The following DPH6 variants were observed in gnomAD, a reference collection of about 807,000 sequenced individuals.
DPH6 encodes the protein diphthamine biosynthesis 6, also known as diphthine--ammonia ligase.
In DPH6, 33 loss-of-function variants were observed where a neutral mutation model predicts 38.2. The observed-to-expected ratio is 0.86, with a 90% confidence interval of 0.65 to 1.15. DPH6 has a LOEUF of 1.15. Ranked by LOEUF, DPH6 falls within the 50% of genes most tolerant of loss-of-function variation. The pLI, the probability that DPH6 is intolerant of heterozygous loss-of-function variation, is 0.00. For synonymous variants in DPH6, 108 were observed against 103.0 expected (o/e 1.05, Z -0.30); for missense variants, 325 against 320.0 (o/e 1.02, Z -0.12).
intron 8 of DPH6, 122 bp downstream of exon 8, chr15:35,373,399 C>A: frequency 2.5e-6 from 2 of 792,990 alleles, no homozygotes; most frequent in Non-Finnish European, 3.7e-6. Flanking sequence ...GAAAAAAAAC[C>A]ACTAATGATA....
intron 3 of DPH6, among the ~76,000 whole-genome samples, chr15:35,465,277 T>C (rs978027042): frequency 6.6e-6 from 1 of 152,296 alleles, no homozygotes; most frequent in Admixed American, 6.5e-5. Flanking sequence ...ATTCAAAGTG[T>C]TTTTCATCTG....
At chr15:35,439,589 G>A (rs987693404) in intron 5 of DPH6, among the ~76,000 whole-genome samples, 1 of 152,104 alleles carries the variant, frequency 6.6e-6, no homozygotes, top group Non-Finnish European at 1.5e-5. Context: ...AATAAAAACC[G>A]CTTGGGAAAA....
At chr15:35,427,117 T>C (rs2053579702) in intron 5 of DPH6, among the ~76,000 whole-genome samples, 1 of 151,378 alleles carries the variant, frequency 6.6e-6, no homozygotes, top group Admixed American at 6.6e-5. Context: ...GGACAGCAAG[T>C]AAAGAGGATG....
chr15:35,213,562 T>A (rs1242775328), downstream of DPH6, among the ~76,000 whole-genome samples: 1 of 152,122 alleles, frequency 6.6e-6, no homozygotes, highest in South Asian at 2.1e-4. Context: ...GAAAAAAAGG[T>A]CTAAGAATAT....
At chr15:35,250,057 A>G (rs4924695) in intron 3 of DPH6, among the ~76,000 whole-genome samples, 12,425 of 151,910 alleles carry the variant, frequency 0.082, 902 homozygotes, top group East Asian at 0.4. Context: ...GGGCACCTGT[A>G]GTCTCAGCTA....
chr15:35,472,689 G>C (rs561880797), intron 3 of DPH6, among the ~76,000 whole-genome samples: 11 of 152,166 alleles, frequency 7.2e-5, no homozygotes, highest in African/African-American at 2.4e-4. Context: ...AAATAAAATA[G>C]ACAAAATTAG....
intron 3 of DPH6, among the ~76,000 whole-genome samples, chr15:35,473,381 T>C (rs1008664119): frequency 6.6e-6 from 1 of 152,172 alleles, no homozygotes; most frequent in African/African-American, 2.4e-5. Context: ...CATTCAATTA[T>C]GTGTTCCTTT....
the DPH6 span, among the ~76,000 whole-genome samples, chr15:35,200,054 A>G: frequency 1.3e-5 from 2 of 152,084 alleles, no homozygotes; most frequent in Admixed American, 6.5e-5. Flanking sequence ...CCAAAAAAAT[A>G]AGAAATAAAT....
chr15:35,283,671 C>T (rs1360619229), intron 3 of DPH6, among the ~76,000 whole-genome samples: 1 of 151,974 alleles, frequency 6.6e-6, no homozygotes, highest in Non-Finnish European at 1.5e-5. Context: ...ATCACCAACA[C>T]CAAAATATGT....
the DPH6 span, among the ~76,000 whole-genome samples, chr15:35,154,153 C>T: frequency 2.6e-5 from 4 of 152,138 alleles, no homozygotes; most frequent in Admixed American, 2.6e-4. Flanking sequence ...AGGTATATTA[C>T]AAAACAGCTG....
chr15:35,227,770 C>A lies in DPH6; in HGVS notation n.201-7188G>T, dbSNP rs2051492451. Among the ~76,000 whole-genome samples the A allele has an allele frequency of 2.0e-5, 3 of 151,360 alleles. No homozygotes were observed. The South Asian group carries it at 6.3e-4, about 32-fold the overall frequency. Reference sequence around the variant, plus strand: ...TGATGTAGGCATTTATAGATATAAACTTCTCTCTTAGTACCATTTTTGCTG... The same window carrying A: ...TGATGTAGGCATTTATAGATATAAAATTCTCTCTTAGTACCATTTTTGCTG... On this transcript the variant is annotated intron_variant and non_coding_transcript_variant, in intron 3 of 3. Transcript: ENST00000560386.
intron 3 of DPH6, among the ~76,000 whole-genome samples, chr15:35,299,692 T>C (rs1366193516): frequency 2.0e-5 from 3 of 152,210 alleles, no homozygotes; most frequent in African/African-American, 4.8e-5. Flanking sequence ...TTCACATAGA[T>C]ACACCTTAGG....
chr15:35,244,142 G>T (rs2051619665), intron 3 of DPH6, among the ~76,000 whole-genome samples: 1 of 152,098 alleles, frequency 6.6e-6, no homozygotes, highest in Non-Finnish European at 1.5e-5. Flanking sequence ...CTCAGGTAAG[G>T]GTGGGATGTA....
At chr15:35,391,151 A>G (rs554852606) in intron 6 of DPH6, among the ~76,000 whole-genome samples, 5 of 152,314 alleles carry the variant, frequency 3.3e-5, no homozygotes, top group African/African-American at 1.2e-4. Flanking sequence ...AGGCTGCAGA[A>G]CAGTGGATAT....
chr15:35,423,421 G>T (rs965287229), intron 5 of DPH6, among the ~76,000 whole-genome samples: 15 of 151,658 alleles, frequency 9.9e-5, no homozygotes, highest in African/African-American at 3.4e-4. Context: ...AGTTGCATGA[G>T]TTCCTTATAT....
At chr15:35,194,510 A>C in the DPH6 span, among the ~76,000 whole-genome samples, 3 of 152,220 alleles carry the variant, frequency 2.0e-5, no homozygotes, top group Non-Finnish European at 2.9e-5. Context: ...AGCACACAAT[A>C]GCTCTACAGT....
At chr15:35,462,684 C>T (rs1480285986) in intron 3 of DPH6, among the ~76,000 whole-genome samples, 1 of 152,120 alleles carries the variant, frequency 6.6e-6, no homozygotes, top group Admixed American at 6.5e-5. Flanking sequence ...TATGTCCTTG[C>T]CCTGGCTTTA....
chr15:35,366,669 A>G (rs2140913667), downstream of DPH6, among the ~76,000 whole-genome samples: 2 of 152,000 alleles, frequency 1.3e-5, no homozygotes, highest in Non-Finnish European at 2.9e-5. Flanking sequence ...AAATAAACAT[A>G]TAAGCTCCCG....
intron 3 of DPH6, among the ~76,000 whole-genome samples, chr15:35,283,725 G>A (rs1041822940): frequency 6.6e-6 from 1 of 150,848 alleles, no homozygotes; most frequent in Admixed American, 6.6e-5. Context: ...TAGCAAGAAA[G>A]ATGGTTTACT....
Sources: gnomAD v4.1 joint callset for allele counts (sites outside exome capture counted in the v4.1 genomes callset) on GRCh38, gnomAD v4.1.1 for gene constraint, MANE v1.5 for transcripts, NCBI Gene and HGNC (gene_info 2026-07-23, HGNC 2026-07-21) for gene names.